Variants in FBXL7 observed in about 807,000 individuals in gnomAD.
FBXL7 encodes the protein F-box/LRR-repeat protein 7.
In FBXL7, 12 loss-of-function variants were observed where a neutral mutation model predicts 38.3. The ratio of observed to expected loss-of-function variants is 0.31; its 90% CI spans 0.20 to 0.51. The LOEUF (loss-of-function observed/expected upper bound fraction) is 0.51. Ranked by LOEUF, FBXL7 falls within the 20% of genes least tolerant of loss-of-function variation. FBXL7 has a pLI of 0.98. For synonymous variants in FBXL7, 297 were observed against 300.9 expected (o/e 0.99, Z 0.13); for missense variants, 567 against 676.4 (o/e 0.84, Z 1.79).
At chr5:15,818,743 TGAGAGA>T (rs201462691) in intron 2 of FBXL7, among the ~76,000 whole-genome samples, 2,135 of 39,500 alleles carry the variant, frequency 0.054, 33 homozygotes, top group Non-Finnish European at 0.086. Context: ...TGTGTGTGTG[TGAGAGA>T]GAGAGAGATT....
In FBXL7 at chr5:15,936,489, C is replaced by T. The variant is rs1742190364; in HGVS notation, c.779C>T (p.Ala260Val). 6.2e-7 allele frequency: 1 copy of T among 1,613,396 alleles called. No homozygotes were observed. The change falls in exon 4 of 4, where the codon GCC becomes GTC. Residue 260 changes from alanine to valine, a missense_variant. Physicochemically the swap from Ala to Val is moderately conservative, Grantham distance 64 (BLOSUM62 0). Transcript: ENST00000504595. This position sits in a 1 kb window ranked among gnomAD's most constrained non-coding sequence, Gnocchi z 6.0. ...ACCTGCATCAGCTTGACCCGGGAGG[C>T]CTCCATTAAACTGTCACCCTTGCAT... Reference protein sequence around the residue: ...KVTCISLTREASIKLSPLHGK... With the variant: ...KVTCISLTREVSIKLSPLHGK...
intron 2 of FBXL7, among the ~76,000 whole-genome samples, chr5:15,678,734 T>C (rs1742740456): frequency 6.6e-6 from 1 of 152,194 alleles, no homozygotes; most frequent in Non-Finnish European, 1.5e-5. Flanking sequence ...GGGATTTCCC[T>C]TTTCTCTTGA....
intron 2 of FBXL7, among the ~76,000 whole-genome samples, chr5:15,864,176 G>C (rs990329514): frequency 6.6e-6 from 1 of 151,880 alleles, no homozygotes; most frequent in Non-Finnish European, 1.5e-5. Flanking sequence ...AGAGTTGTAG[G>C]TGGTTCCCTA....
intron 2 of FBXL7, among the ~76,000 whole-genome samples, chr5:15,914,830 G>A (rs1741539919): frequency 6.6e-6 from 1 of 152,148 alleles, no homozygotes; most frequent in South Asian, 2.1e-4. Flanking sequence ...ATAAGACTCT[G>A]GACTGACTCA....
chr5:15,661,152 CT>C (rs1014773584), intron 2 of FBXL7, among the ~76,000 whole-genome samples: 11 of 151,954 alleles, frequency 7.2e-5, no homozygotes, highest in Non-Finnish European at 1.5e-4. Context: ...TTTATTTCTA[CT>C]TTTTTTTGTT....
At chr5:15,600,295 CAGTT>C (rs1739752681) in intron 1 of FBXL7, among the ~76,000 whole-genome samples, 1 of 152,114 alleles carries the variant, frequency 6.6e-6, no homozygotes, top group African/African-American at 2.4e-5. Flanking sequence ...CACCGTCAGG[CAGTT>C]AGTTGATATC....
Position 15,708,758 on chromosome 5 carries a change from C to A in FBXL7, c.127+92686C>A, listed in dbSNP as rs368311765. Among the ~76,000 whole-genome samples the A allele has an allele frequency of 2.4e-4, 37 of 152,134 alleles. No individual in the cohort carries two copies. In the East Asian group the frequency reaches 4.1e-3, roughly 17 times the overall value. On this transcript the variant is annotated intron_variant, in intron 2 of 3. Coordinates refer to ENST00000504595, the MANE Select transcript of FBXL7 (RefSeq NM_012304.5). ...TTTGCTTGAATGATCCAAGTTGTGT[C>A]TTTTTCTTTGGTGTTTTGTTTATTT...
At position 15,714,136 on chromosome 5, in the gene FBXL7, C is replaced by T. The variant is rs973857065; in HGVS notation, c.127+98064C>T. On this transcript the variant is annotated intron_variant, in intron 2 of 3. Transcript: ENST00000504595. Reference sequence around the variant, plus strand: ...TGGAAGTGTGTCCTGGCCTAAATCTCCTGTTGAATTGTAATCCCCAGTGTT... The same window carrying T: ...TGGAAGTGTGTCCTGGCCTAAATCTTCTGTTGAATTGTAATCCCCAGTGTT... Among the ~76,000 whole-genome samples, 5 of 152,250 alleles carry T rather than the reference C, an allele frequency of 3.3e-5. No individual in the cohort carries two copies. In the South Asian group the frequency reaches 6.2e-4, roughly 19 times the overall value.
At chr5:15,895,348 T>C (rs1025424965) in intron 2 of FBXL7, among the ~76,000 whole-genome samples, 2 of 152,218 alleles carry the variant, frequency 1.3e-5, no homozygotes, top group Non-Finnish European at 2.9e-5. Flanking sequence ...TTAAACTTTT[T>C]TTAATCTAGT....
intron 2 of FBXL7, among the ~76,000 whole-genome samples, chr5:15,838,616 G>A (rs1273305633): frequency 1.3e-5 from 2 of 152,168 alleles, no homozygotes; most frequent in African/African-American, 4.8e-5. Flanking sequence ...GCAAGGATTT[G>A]TTTCTTTATA....
rs532631321 is a variant in FBXL7, at chr5:15,735,238, T to A, written c.127+119166T>A. ...ATGAGCCGCTGTGAAGTTTATTTTT[T>A]AAAATCATTTCTAGGTATTCTATAA... On this transcript the variant is annotated intron_variant, in intron 2 of 3. Transcript: ENST00000504595. Among the ~76,000 whole-genome samples, 5 of 152,344 alleles carry A rather than the reference T, an allele frequency of 3.3e-5. No homozygotes were observed. In the South Asian group the frequency reaches 1.0e-3, roughly 32 times the overall value.
intron 2 of FBXL7, among the ~76,000 whole-genome samples, chr5:15,657,446 A>G (rs916979353): frequency 6.6e-6 from 1 of 152,258 alleles, no homozygotes; most frequent in African/African-American, 2.4e-5. Context: ...AATTTAGCAT[A>G]TAATTAATGA....
chr5:15,921,845 T>A (rs916567771), intron 2 of FBXL7, among the ~76,000 whole-genome samples: 1 of 152,082 alleles, frequency 6.6e-6, no homozygotes, highest in African/African-American at 2.4e-5. Context: ...CAAGAGATAA[T>A]AAGTGTGACA....
chr5:15,641,941 TTGTGTGTGTGTGTG>T (rs199980981), intron 2 of FBXL7, among the ~76,000 whole-genome samples: 104 of 141,614 alleles, frequency 7.3e-4, no homozygotes, highest in Admixed American at 2.7e-3. Context: ...ACATAAAACC[TTGTGTGTGTGTGTG>T]TGTGTGTGTG....
chr5:15,693,816 A>G (rs1256064492), intron 2 of FBXL7, among the ~76,000 whole-genome samples: 1 of 152,170 alleles, frequency 6.6e-6, no homozygotes, highest in African/African-American at 2.4e-5. Context: ...GCCCGACTCC[A>G]GGGTAAGACC....
rs909939584 is a variant in FBXL7 at position 15,937,642 on chromosome 5, T to C, written c.*456T>C. ...CTCCAGACCTCCTCTCTAAACTGCT[T>C]CATTGACCTAAGTCACTCTCTTCAA... On this transcript the variant is annotated 3_prime_UTR_variant, in exon 4 of 4. Transcript: ENST00000504595. 1.3e-4 allele frequency: 22 copies of C among 167,056 alleles called. No individual in the cohort carries two copies. The highest frequency in any genetic ancestry group is 3.1e-3 in the Middle Eastern group (1 of 320). The allele number at this position is 167,056 out of a possible 1,614,324, so 10.3% of individuals were successfully genotyped here.
At chr5:15,814,269 C>G (rs1052321049) in intron 2 of FBXL7, among the ~76,000 whole-genome samples, 1 of 152,118 alleles carries the variant, frequency 6.6e-6, no homozygotes, top group African/African-American at 2.4e-5. Flanking sequence ...GAGTTCGTGT[C>G]CTTCGCAGGG....
At chr5:15,560,373 T>C (rs947231172) in intron 1 of FBXL7, among the ~76,000 whole-genome samples, 1 of 152,146 alleles carries the variant, frequency 6.6e-6, no homozygotes, top group African/African-American at 2.4e-5. Context: ...AGTTAAAAAA[T>C]ACATAAATCA....
At chr5:15,880,333 T>C (rs1740391598) in intron 2 of FBXL7, among the ~76,000 whole-genome samples, 1 of 152,222 alleles carries the variant, frequency 6.6e-6, no homozygotes, top group South Asian at 2.1e-4. Flanking sequence ...TTTTTAGCAC[T>C]AGCCCTCAGA....
Sources: allele counts gnomAD v4.1 joint callset (sites outside exome capture counted in the v4.1 genomes callset), GRCh38; gene constraint gnomAD v4.1.1; non-coding constraint Gnocchi (gnomAD v3.1); transcripts MANE v1.5; gene names NCBI Gene and HGNC (gene_info 2026-07-23, HGNC 2026-07-21).